RBM10: variants seen among roughly 807,000 people sequenced by gnomAD.
The protein encoded by RBM10 is RNA binding motif protein 10.
Under a neutral mutation model 84.9 loss-of-function variants are expected in RBM10, and 1 was observed. The ratio of observed to expected loss-of-function variants is 0.01; its 90% CI spans 0.00 to 0.06. The LOEUF is 0.06. Ranked by LOEUF, RBM10 falls within the 10% of genes least tolerant of loss-of-function variation. The pLI is 1.00. For missense variants in RBM10, 438 were observed against 839.0 expected (o/e 0.52, Z 5.90); for synonymous variants, 326 against 344.5 (o/e 0.95, Z 0.60).
intron 2 of RBM10, chrX:47,157,389 T>G: frequency 3.2e-6 from 1 of 316,676 alleles, no homozygotes; most frequent in African/African-American, 2.6e-5. Flanking sequence ...AGTAGACATC[T>G]CGTGAGAGTT....
intron 6 of RBM10, among the ~76,000 whole-genome samples, chrX:47,175,486 T>G (rs1467836383): frequency 9.0e-6 from 1 of 111,018 alleles, no homozygotes; most frequent in Non-Finnish European, 1.9e-5. Flanking sequence ...TCAGGACCAC[T>G]GGAAGTCCTG....
At chrX:47,174,040 C>A (rs1022903059) in intron 5 of RBM10, among the ~76,000 whole-genome samples, 4 of 103,681 alleles carry the variant, frequency 3.9e-5, no homozygotes, top group African/African-American at 1.1e-4. Flanking sequence ...AGCATGCCCC[C>A]CCAAGCCCCT....
chrX:47,185,896 T>G, intron 21 of RBM10, 106 bp downstream of exon 21: 1 of 1,168,973 alleles, frequency 8.6e-7, no homozygotes, highest in Non-Finnish European at 1.1e-6. Flanking sequence ...CCGTGAGCCT[T>G]CTTCCCCATT....
At position 47,182,027 on chromosome X, in the gene RBM10, T is replaced by C. The variant is rs200978989; in HGVS notation, c.1770T>C (p.Tyr590=). ...YYYDPQTGLY[Y]DPNSQYYYNA... is the part of the protein sequence containing the mutation. Reference sequence around the variant, plus strand: ...ATGACCCCCAGACCGGCCTCTACTATGACCCCAACTCCCAGGTAATAGGGC... The same window carrying C: ...ATGACCCCCAGACCGGCCTCTACTACGACCCCAACTCCCAGGTAATAGGGC... The change falls in exon 16 of 24, where the codon TAT becomes TAC. Residue 590 remains tyrosine (Y), a synonymous_variant. Transcript: ENST00000377604. 8.3e-7 allele frequency: 1 copy of C among 1,209,468 alleles called. No individual in the cohort carries two copies. The highest frequency in any genetic ancestry group is 3.0e-5 in the East Asian group (1 of 33,733).
chrX:47,169,066 A>G (rs1330782545), intron 2 of RBM10, among the ~76,000 whole-genome samples: 5 of 111,007 alleles, frequency 4.5e-5, no homozygotes, highest in African/African-American at 1.6e-4. Flanking sequence ...GGAGGGAAAA[A>G]TAGAAAGTTT....
chrX:47,157,780 C>CT (rs147325464), intron 2 of RBM10: 31,671 of 289,705 alleles, frequency 0.11, 922 homozygotes, highest in Admixed American at 0.21. Flanking sequence ...AGCTGCATGA[C>CT]TTTTTTTTTT....
intron 10 of RBM10, 27 bp from the exon 11 acceptor site, chrX:47,180,185 C>T (rs2147176207): frequency 8.5e-7 from 1 of 1,182,069 alleles, no homozygotes; most frequent in Admixed American, 2.3e-5. Context: ...CCTGACCCTT[C>T]TGTCCCTGCC....
At chrX:47,161,594 G>A (rs1054616036) in intron 2 of RBM10, among the ~76,000 whole-genome samples, 12 of 102,442 alleles carry the variant, frequency 1.2e-4, no homozygotes, top group African/African-American at 4.3e-4. Flanking sequence ...GCAGTGGCGC[G>A]ATCATGGCTC....
At chrX:47,176,448 G>A (rs373413131) in intron 6 of RBM10, 52 bp from the exon 7 acceptor site, 2 of 1,207,883 alleles carry the variant, frequency 1.7e-6, no homozygotes, top group South Asian at 3.6e-5. Context: ...TGCTGAAACG[G>A]TGCGTGGGGC....
rs1219338503 is a variant in RBM10 at position 47,169,440 on chromosome X, A to C, written c.143A>C (p.Tyr48Ser). The change falls in exon 3 of 24, where the codon TAT becomes TCT. Residue 48 changes from tyrosine (Y) to serine (S), a missense_variant. By Grantham distance (144) the Tyr-to-Ser change is moderately radical (BLOSUM62 -2). This residue lies in a region of RBM10 where 92 missense variants were observed against 134.3 expected (regional missense o/e 0.69). Transcript: ENST00000377604. Reference sequence around the variant, plus strand: ...GACTACCGTTCATATCCTCGCGAGTATGGCAGCCAGGAGGGCAAGCATGAC... The same window carrying C: ...GACTACCGTTCATATCCTCGCGAGTCTGGCAGCCAGGAGGGCAAGCATGAC... ...DMDYRSYPRE[Y>S]GSQEGKHDYD... 4 of 1,210,414 alleles carry C rather than the reference A, an allele frequency of 3.3e-6. No homozygotes were observed. Among genetic ancestry groups the C allele is most frequent in the Non-Finnish European group, 4.5e-6 (4 of 895,166 alleles).
intron 2 of RBM10, among the ~76,000 whole-genome samples, chrX:47,162,597 C>T (rs1264222038): frequency 1.8e-5 from 2 of 111,004 alleles, no homozygotes; most frequent in South Asian, 3.8e-4. Context: ...GTATGGAGGC[C>T]GGGTGTGGTG....
At chrX:47,166,481 T>C (rs1934221875) in intron 2 of RBM10, among the ~76,000 whole-genome samples, 1 of 110,743 alleles carries the variant, frequency 9.0e-6, no homozygotes, top group Non-Finnish European at 1.9e-5. Flanking sequence ...CTTTTTTTTT[T>C]TTCTTGAGAT....
intron 2 of RBM10, among the ~76,000 whole-genome samples, chrX:47,166,731 G>A (rs1256176732): frequency 1.2e-4 from 13 of 107,840 alleles, no homozygotes; most frequent in South Asian, 4.0e-4. Flanking sequence ...CTTTCACCCC[G>A]CAAAGTGCTG....
In RBM10 at chrX:47,186,714, C is replaced by G. The variant is rs782706487; in HGVS notation, c.*115C>G. 91 of 957,442 alleles carry G rather than the reference C, an allele frequency of 9.5e-5. No individual in the cohort carries two copies. The highest frequency in any genetic ancestry group is 1.3e-4 in the Non-Finnish European group (91 of 675,290). 78.9% of individuals were successfully genotyped at this position (957,442 alleles called of 1,213,427 possible). A position where few individuals can be genotyped will look rare whatever the true frequency, so the allele number is the denominator to read the frequency against. On this transcript the variant is annotated 3_prime_UTR_variant, in exon 24 of 24. Coordinates refer to ENST00000377604, the MANE Select transcript of RBM10 (RefSeq NM_005676.5). The stretch of plus-strand genomic sequence containing the variant: ...TCTTGTCGGCCAGCCCACTCCCCAG[C>G]CAGAGAGGGCTTGACCAAATCAAAT...
chrX:47,151,063 C>CT (rs58916543), intron 2 of RBM10, among the ~76,000 whole-genome samples: 2 of 98,908 alleles, frequency 2.0e-5, no homozygotes. Flanking sequence ...CTTTCATTAT[C>CT]TTTTTTTTTT....
chrX:47,162,054 G>T (rs1556766926), intron 2 of RBM10, among the ~76,000 whole-genome samples: 1 of 111,388 alleles, frequency 9.0e-6, no homozygotes, highest in Non-Finnish European at 1.9e-5. Flanking sequence ...TGTTGGCCAG[G>T]CTGGTCTCCA....
chrX:47,159,182 G>A (rs782054018), intron 2 of RBM10, among the ~76,000 whole-genome samples: 1 of 112,077 alleles, frequency 8.9e-6, no homozygotes, highest in East Asian at 2.8e-4. Flanking sequence ...GGCCGAGGTG[G>A]GCAGATCACC....
intron 21 of RBM10, 91 bp downstream of exon 21, chrX:47,185,881 T>C (rs1353009936): frequency 8.5e-7 from 1 of 1,175,576 alleles, no homozygotes; most frequent in Non-Finnish European, 1.1e-6. Flanking sequence ...TCTCACGTGT[T>C]AACCCCGTGA....
intron 1 of RBM10, 88 bp downstream of exon 1, chrX:47,145,573 G>A (rs2147056503): frequency 1.0e-6 from 1 of 972,101 alleles, no homozygotes; most frequent in Admixed American, 2.8e-5. Context: ...TCGGGTCGGG[G>A]GAGATGCGCG....
Sources: gnomAD v4.1 joint callset for allele counts (sites outside exome capture counted in the v4.1 genomes callset) on GRCh38, gnomAD v4.1.1 for gene constraint, gnomAD v4.1.1 regional missense constraint, MANE v1.5 for transcripts, NCBI Gene and HGNC (gene_info 2026-07-23, HGNC 2026-07-21) for gene names.